Variants in AKAIN1 observed in about 807,000 individuals in gnomAD.
AKAIN1 encodes the protein A-kinase anchor protein inhibitor 1.
In AKAIN1, 3 loss-of-function variants were observed where a neutral mutation model predicts 3.7. That is an observed-to-expected ratio of 0.82 (90% confidence interval 0.37 to 2.12). The LOEUF is 2.12. Ranked by LOEUF, AKAIN1 falls within the 30% of genes most tolerant of loss-of-function variation. The pLI is 0.06. For missense variants in AKAIN1, 82 were observed against 82.7 expected (o/e 0.99, Z 0.03); for synonymous variants, 31 against 30.8 (o/e 1.01, Z -0.02).
chr18:5,195,615 G>A (rs1417161523), intron 1 of AKAIN1, among the ~76,000 whole-genome samples: 6 of 152,154 alleles, frequency 3.9e-5, no homozygotes, highest in Non-Finnish European at 8.8e-5. Flanking sequence ...AAGATTATCT[G>A]GAACCAGCCT....
At chr18:5,194,180 A>C (rs1029566423) in intron 1 of AKAIN1, among the ~76,000 whole-genome samples, 5 of 152,134 alleles carry the variant, frequency 3.3e-5, no homozygotes, top group Non-Finnish European at 7.3e-5. Context: ...CTTTAGACAG[A>C]AGCATAAATA....
chr18:5,157,713 T>A (rs384802), intron 1 of AKAIN1, among the ~76,000 whole-genome samples: 117,838 of 151,966 alleles, frequency 0.78, 46,597 homozygotes, highest in African/African-American at 0.94. Context: ...AATTATTAAA[T>A]TTTTTTCAAA....
At chr18:5,151,635 C>T (rs910467318) in intron 1 of AKAIN1, among the ~76,000 whole-genome samples, 2 of 152,196 alleles carry the variant, frequency 1.3e-5, no homozygotes, top group African/African-American at 4.8e-5. Flanking sequence ...TTACCACCGC[C>T]ACCCTTATCA....
intron 1 of AKAIN1, chr18:5,159,378 C>A (rs1174895086): frequency 6.6e-6 from 1 of 151,896 alleles, no homozygotes; most frequent in Non-Finnish European, 1.5e-5. Flanking sequence ...GTCTGAGAAC[C>A]AGAAATGAAG....
chr18:5,194,769 T>C (rs982950242), intron 1 of AKAIN1, among the ~76,000 whole-genome samples: 2 of 152,236 alleles, frequency 1.3e-5, no homozygotes, highest in African/African-American at 2.4e-5. Context: ...TTGGCTTATA[T>C]AACACCCTTT....
chr18:5,169,254 C>T (rs900445121), intron 1 of AKAIN1, among the ~76,000 whole-genome samples: 5 of 152,050 alleles, frequency 3.3e-5, no homozygotes, highest in Non-Finnish European at 7.4e-5. Flanking sequence ...GAGTCATATG[C>T]TTTACTCAAG....
chr18:5,155,351 C>A (rs919893923), intron 1 of AKAIN1, among the ~76,000 whole-genome samples: 7 of 152,102 alleles, frequency 4.6e-5, no homozygotes, highest in Admixed American at 4.6e-4. Context: ...AATCGGGACC[C>A]GGGAGAGGTA....
Position 5,173,375 on chromosome 18 carries a change from AAAG to A in AKAIN1, c.16+23660_16+23662del, listed in dbSNP as rs201364102. Among the ~76,000 whole-genome samples the A allele has an allele frequency of 8.5e-4, 130 of 152,306 alleles. No individual in the cohort carries two copies. In the East Asian group the frequency reaches 0.014, roughly 16 times the overall value. ...AAACTGACATTTTCCCCATGTCCAA[AAAG>A]AAGAACAGCCATCAGTGACTTCAAA... On this transcript the variant is annotated intron_variant, in intron 1 of 1. Transcript: ENST00000434239.
At chr18:5,187,728 C>T (rs1117252) in intron 1 of AKAIN1, among the ~76,000 whole-genome samples, 69,393 of 151,874 alleles carry the variant, frequency 0.46, 16,262 homozygotes, top group Middle Eastern at 0.54. Flanking sequence ...TCCAAACTAC[C>T]GGATCCCACC....
chr18:5,191,596 CT>C (rs2071318866), intron 1 of AKAIN1, among the ~76,000 whole-genome samples: 1 of 151,824 alleles, frequency 6.6e-6, no homozygotes, highest in Admixed American at 6.6e-5. Context: ...GAAATTCCAT[CT>C]AAATTTAGGC....
chr18:5,143,391 C>T lies in AKAIN1; in HGVS notation c.*2171G>A, dbSNP rs550666414. ...TCTCTGTTCCTTGCTGTCGATTTTC[C>T]ATCTCAAAAATTATGGCAGACACTC... On this transcript the variant is annotated 3_prime_UTR_variant, in exon 2 of 2. Coordinates refer to ENST00000434239, the MANE Select transcript of AKAIN1 (RefSeq NM_001145194.2). 5.3e-5 allele frequency among the ~76,000 whole-genome samples: 8 copies of T among 152,270 alleles called. No homozygotes were observed. The highest frequency in any genetic ancestry group is 1.9e-4 in the African/African-American group (8 of 41,554).
At chr18:5,160,597 T>C (rs2071133848) in intron 1 of AKAIN1, among the ~76,000 whole-genome samples, 1 of 152,184 alleles carries the variant, frequency 6.6e-6, no homozygotes, top group Non-Finnish European at 1.5e-5. Flanking sequence ...TATTCATTTC[T>C]TGTTAATAAT....
At position 5,191,313 on chromosome 18, in the gene AKAIN1, C is replaced by A. The variant is rs539948801; in HGVS notation, c.16+5725G>T. On this transcript the variant is annotated intron_variant, in intron 1 of 1. Transcript: ENST00000434239. ...AAGAGTGAAGCAAGAACATAGAAAA[C>A]AGGGTCAACATGCAAAATTGAACCA... 3.5e-3 allele frequency among the ~76,000 whole-genome samples: 537 copies of A among 152,194 alleles called. 4 individuals carry two copies. The highest frequency in any genetic ancestry group is 0.012 in the African/African-American group (512 of 41,542).
chr18:5,189,613 G>A (rs1009086698), intron 1 of AKAIN1, among the ~76,000 whole-genome samples: 2 of 152,102 alleles, frequency 1.3e-5, no homozygotes, highest in Admixed American at 1.3e-4. Flanking sequence ...TTTATAACAA[G>A]GATGGCCTTT....
At chr18:5,162,936 C>A (rs2071148021) in intron 1 of AKAIN1, among the ~76,000 whole-genome samples, 1 of 151,808 alleles carries the variant, frequency 6.6e-6, no homozygotes, top group Non-Finnish European at 1.5e-5. Flanking sequence ...CCATAAGAAT[C>A]ACCTAGGACT....
chr18:5,161,636 A>G (rs1261827979), intron 1 of AKAIN1, among the ~76,000 whole-genome samples: 1 of 152,124 alleles, frequency 6.6e-6, no homozygotes, highest in African/African-American at 2.4e-5. Context: ...CTATCCCAAT[A>G]TTAACTGTGA....
chr18:5,151,497 G>A (rs2071079842), intron 1 of AKAIN1, among the ~76,000 whole-genome samples: 2 of 152,184 alleles, frequency 1.3e-5, no homozygotes, highest in African/African-American at 2.4e-5. Flanking sequence ...TAGCCCAACT[G>A]AGCATGCTAT....
intron 1 of AKAIN1, among the ~76,000 whole-genome samples, chr18:5,192,385 T>TTTTCTTTTCTTTC (rs1555611428): frequency 1.9e-5 from 2 of 106,990 alleles, no homozygotes; most frequent in Non-Finnish European, 3.8e-5. Flanking sequence ...ACAGAGCTAA[T>TTTTCTTTTCTTTC]TTTCTTTCTT....
At chr18:5,162,837 G>T (rs2071147541) in intron 1 of AKAIN1, among the ~76,000 whole-genome samples, 1 of 151,896 alleles carries the variant, frequency 6.6e-6, no homozygotes, top group South Asian at 2.1e-4. Flanking sequence ...TAAAGAGGGT[G>T]ACCAGTTACA....
Sources: gnomAD v4.1 joint callset for allele counts (sites outside exome capture counted in the v4.1 genomes callset) on GRCh38, gnomAD v4.1.1 for gene constraint, MANE v1.5 for transcripts, NCBI Gene and HGNC (gene_info 2026-07-23, HGNC 2026-07-21) for gene names.